Variants in LOC128071545 observed in about 807,000 individuals in gnomAD.
the LOC128071545 span, chr15:81,002,235 G>C: frequency 8.1e-7 from 1 of 1,229,980 alleles, no homozygotes; most frequent in Non-Finnish European, 1.0e-6. Context: ...CGGTGGTAGC[G>C]GGCTCCCCAG....
the LOC128071545 span, chr15:81,002,143 T>G: frequency 9.6e-7 from 1 of 1,046,334 alleles, no homozygotes; most frequent in Non-Finnish European, 1.2e-6. Context: ...GTGGATGGCA[T>G]GATGGTGCGG....
chr15:81,002,200 G>C, the LOC128071545 span: 2 of 1,209,244 alleles, frequency 1.7e-6, no homozygotes, highest in Non-Finnish European at 2.1e-6. Context: ...GGCCGCCGGG[G>C]CGGCGGCAGT....
At chr15:81,002,158 G>T in the LOC128071545 span, 1 of 1,116,238 alleles carries the variant, frequency 9.0e-7, no homozygotes, top group Non-Finnish European at 1.1e-6. Context: ...GTGCGGGGAA[G>T]GCACCGCGGC....
the LOC128071545 span, chr15:81,002,148 G>C: frequency 2.4e-5 from 26 of 1,078,768 alleles, no homozygotes; most frequent in African/African-American, 3.3e-5. Flanking sequence ...TGGCATGATG[G>C]TGCGGGGAAG....
chr15:81,002,202 GGCGGCAGTGGCCGCGGCA>G, the LOC128071545 span: 1 of 1,211,088 alleles, frequency 8.3e-7, no homozygotes, highest in South Asian at 4.2e-5. Flanking sequence ...CCGCCGGGGC[GGCGGCAGTGGCCGCGGCA>G]GCGGCGGTGG....
the LOC128071545 span, chr15:81,002,264 C>CG: frequency 7.9e-7 from 1 of 1,273,566 alleles, no homozygotes; most frequent in South Asian, 2.7e-5. Flanking sequence ...CAGTGCCCCC[C>CG]GGGCGCGATG....
chr15:81,002,199 G>A, the LOC128071545 span: 8 of 1,208,354 alleles, frequency 6.6e-6, no homozygotes, highest in South Asian at 1.7e-4. Flanking sequence ...CGGCCGCCGG[G>A]GCGGCGGCAG....
chr15:81,002,202 G>GGCGGCAGTGGCCGCGGCA, the LOC128071545 span: 1 of 1,211,088 alleles, frequency 8.3e-7, no homozygotes, highest in Non-Finnish European at 1.0e-6. Context: ...CCGCCGGGGC[G>GGCGGCAGTGGCCGCGGCA]GCGGCAGTGG....
At chr15:81,002,197 G>A in the LOC128071545 span, 3 of 1,208,142 alleles carry the variant, frequency 2.5e-6, no homozygotes, top group Non-Finnish European at 3.1e-6. Context: ...GACGGCCGCC[G>A]GGGCGGCGGC....
chr15:81,002,196 C>A, the LOC128071545 span: 2 of 1,207,658 alleles, frequency 1.7e-6, no homozygotes, highest in Non-Finnish European at 2.1e-6. Context: ...CGACGGCCGC[C>A]GGGGCGGCGG....
At chr15:81,002,207 CAGTGGCCGCGGCAGCGGCGGTGGT>C in the LOC128071545 span, 1 of 1,213,790 alleles carries the variant, frequency 8.2e-7, no homozygotes. Context: ...GGGGCGGCGG[CAGTGGCCGCGGCAGCGGCGGTGGT>C]AGCGGGCTCC....
At chr15:81,002,271 G>A in the LOC128071545 span, 4 of 1,275,356 alleles carry the variant, frequency 3.1e-6, no homozygotes, top group Non-Finnish European at 3.0e-6. Flanking sequence ...CCCCGGGCGC[G>A]ATGGCTAGCG....
At chr15:81,002,185 G>C in the LOC128071545 span, 1 of 1,199,104 alleles carries the variant, frequency 8.3e-7, no homozygotes, top group Non-Finnish European at 1.0e-6. Context: ...CAGCTGAGTC[G>C]CGACGGCCGC....
chr15:81,002,276 C>T, the LOC128071545 span: 1 of 1,282,382 alleles, frequency 7.8e-7, no homozygotes, highest in Non-Finnish European at 9.9e-7. Flanking sequence ...GGCGCGATGG[C>T]TAGCGGCAGC....
At chr15:81,002,224 G>C in the LOC128071545 span, 1 of 1,223,624 alleles carries the variant, frequency 8.2e-7, no homozygotes, top group African/African-American at 1.6e-5. Context: ...CGCGGCAGCG[G>C]CGGTGGTAGC....
the LOC128071545 span, chr15:81,002,261 C>A: frequency 3.1e-6 from 4 of 1,272,692 alleles, no homozygotes; most frequent in Non-Finnish European, 4.0e-6. Flanking sequence ...TGCCAGTGCC[C>A]CCCGGGCGCG....
chr15:81,002,219 C>CAGCGGCGGTGGT, the LOC128071545 span: 23 of 1,220,674 alleles, frequency 1.9e-5, no homozygotes, highest in Non-Finnish European at 2.1e-5. Flanking sequence ...GTGGCCGCGG[C>CAGCGGCGGTGGT]AGCGGCGGTG....
chr15:81,002,164 G>A, the LOC128071545 span: 1 of 1,148,728 alleles, frequency 8.7e-7, no homozygotes, highest in East Asian at 3.6e-5. Context: ...GGAAGGCACC[G>A]CGGCCTTGGC....
chr15:81,002,217 G>GGCAGCGGCGGTGGTAGCGGGCTCC, the LOC128071545 span: 3 of 1,219,750 alleles, frequency 2.5e-6, no homozygotes, highest in East Asian at 9.9e-5. Flanking sequence ...CAGTGGCCGC[G>GGCAGCGGCGGTGGTAGCGGGCTCC]GCAGCGGCGG....
Sources: allele counts gnomAD v4.1 joint callset, GRCh38; gene constraint gnomAD v4.1.1; transcripts MANE v1.5.